Variants in CCDC192 observed in about 807,000 individuals in gnomAD.
CCDC192 encodes the protein coiled-coil domain containing 192.
chr5:127,815,435 T>A (rs771469115), intron 5 of CCDC192, among the ~76,000 whole-genome samples: 4 of 151,972 alleles, frequency 2.6e-5, no homozygotes, highest in African/African-American at 9.7e-5. Context: ...TTGGGGATGA[T>A]AGGGGGTGGG....
rs973311718 is a variant in CCDC192, at chr5:127,751,756, C to G, written c.115-2512C>G. ...CCCCATCACTTTCAGGTACACCAAT[C>G]AGACGTAGATTTGGTCTTTTCACAT... is the stretch of plus-strand genomic sequence containing the variant. On this transcript the variant is annotated intron_variant, in intron 2 of 6. Transcript: ENST00000514853. Among the ~76,000 whole-genome samples, 64 of 152,192 alleles carry G rather than the reference C, an allele frequency of 4.2e-4. 1 individual carries two copies. Among genetic ancestry groups the G allele is most frequent in the Admixed American group, 1.5e-3 (23 of 15,282 alleles).
rs150332725 is a variant in CCDC192 at position 127,780,172 on chromosome 5, C to CAT, written c.223-16918_223-16917dup. Among the ~76,000 whole-genome samples, 1,494 of 150,890 alleles carry CAT rather than the reference C, an allele frequency of 9.9e-3. 26 individuals carry two copies. Among genetic ancestry groups the CAT allele is most frequent in the African/African-American group, 0.03 (1,229 of 41,242 alleles). ...ACACATATATACGTATACGCACACA[C>CAT]ATATATATATATATCACAGTTTCTT... On this transcript the variant is annotated intron_variant, in intron 3 of 6. Transcript: ENST00000514853.
At chr5:127,766,115 C>G (rs369541378) in intron 3 of CCDC192, among the ~76,000 whole-genome samples, 1 of 152,114 alleles carries the variant, frequency 6.6e-6, no homozygotes, top group Non-Finnish European at 1.5e-5. Flanking sequence ...TTATAGCACA[C>G]CCAGGCAGAT....
At chr5:127,847,467 A>G (rs2127076977) in intron 5 of CCDC192, among the ~76,000 whole-genome samples, 1 of 152,308 alleles carries the variant, frequency 6.6e-6, no homozygotes, top group East Asian at 1.9e-4. Context: ...TAATGTTTAA[A>G]CCCAGTATGT....
intron 3 of CCDC192, among the ~76,000 whole-genome samples, chr5:127,780,794 G>C (rs910027365): frequency 1.3e-5 from 2 of 152,162 alleles, no homozygotes; most frequent in African/African-American, 4.8e-5. Context: ...TTTGCTGACT[G>C]TTCCTTTTGC....
chr5:127,733,350 T>C (rs576918245), intron 2 of CCDC192, among the ~76,000 whole-genome samples: 5 of 152,284 alleles, frequency 3.3e-5, no homozygotes, highest in African/African-American at 1.2e-4. Context: ...GCCGTTATAC[T>C]AAGTAAAGTT....
intron 3 of CCDC192, among the ~76,000 whole-genome samples, chr5:127,783,495 G>A (rs1369135074): frequency 1.3e-5 from 2 of 152,138 alleles, no homozygotes; most frequent in Non-Finnish European, 2.9e-5. Flanking sequence ...TGCTTAATAT[G>A]ATTTCAATTT....
intron 6 of CCDC192, among the ~76,000 whole-genome samples, chr5:127,914,765 A>C (rs1223891556): frequency 6.6e-6 from 1 of 152,190 alleles, no homozygotes; most frequent in African/African-American, 2.4e-5. Flanking sequence ...CTTAACATGA[A>C]TTAACTCACT....
intron 5 of CCDC192, among the ~76,000 whole-genome samples, chr5:127,870,676 A>G (rs1751814286): frequency 6.6e-6 from 1 of 152,214 alleles, no homozygotes; most frequent in African/African-American, 2.4e-5. Flanking sequence ...GGTGCAACAC[A>G]GGGTTAAAAA....
At chr5:127,920,830 G>A (rs1224656718) in intron 6 of CCDC192, among the ~76,000 whole-genome samples, 1 of 152,024 alleles carries the variant, frequency 6.6e-6, no homozygotes, top group African/African-American at 2.4e-5. Context: ...GGAGGCTGAG[G>A]TGGGAGGATC....
intron 6 of CCDC192, among the ~76,000 whole-genome samples, chr5:127,899,072 T>C (rs1262130501): frequency 1.3e-5 from 2 of 152,208 alleles, no homozygotes; most frequent in African/African-American, 4.8e-5. Context: ...CAGACACATT[T>C]TGAAATTTAG....
In CCDC192 at chr5:127,884,694, A is replaced by C. The variant is rs896966515; in HGVS notation, c.535+9033A>C. 1.1e-4 allele frequency among the ~76,000 whole-genome samples: 17 copies of C among 152,282 alleles called. 1 individual carries two copies. The highest frequency in any genetic ancestry group is 9.8e-4 in the Admixed American group (15 of 15,296). ...GCTAGGGAGTGTTATCAGATAAAAGAAGATGGGGAAGCTTTCTGGATAGAA... is the reference window on the plus strand; with the variant it reads ...GCTAGGGAGTGTTATCAGATAAAAGCAGATGGGGAAGCTTTCTGGATAGAA... On this transcript the variant is annotated intron_variant, in intron 6 of 6. Transcript: ENST00000514853.
intron 2 of CCDC192, among the ~76,000 whole-genome samples, chr5:127,724,283 C>G (rs1285071752): frequency 1.3e-5 from 2 of 152,114 alleles, no homozygotes; most frequent in Admixed American, 6.5e-5. Context: ...CTAGAACAAC[C>G]TGCTTTCTCT....
chr5:127,850,582 T>C (rs1278627135), intron 5 of CCDC192, among the ~76,000 whole-genome samples: 1 of 152,210 alleles, frequency 6.6e-6, no homozygotes, highest in Non-Finnish European at 1.5e-5. Flanking sequence ...ATCAGTCAGA[T>C]GTACATTCCC....
At chr5:127,730,783 T>C (rs1279129262) in intron 2 of CCDC192, among the ~76,000 whole-genome samples, 2 of 152,144 alleles carry the variant, frequency 1.3e-5, no homozygotes, top group South Asian at 2.1e-4. Context: ...ATTACCTCAA[T>C]AGAAGCAGAA....
At chr5:127,785,393 A>G (rs547026993) in intron 3 of CCDC192, 125 of 413,584 alleles carry the variant, frequency 3.0e-4, no homozygotes, top group Non-Finnish European at 5.7e-4. Context: ...GCTCATTCAG[A>G]TCTTTGCTCA....
chr5:127,803,956 G>A (rs929930026), intron 5 of CCDC192, among the ~76,000 whole-genome samples: 6 of 152,206 alleles, frequency 3.9e-5, no homozygotes, highest in African/African-American at 1.2e-4. Flanking sequence ...GGACAGATGA[G>A]TGAATTTTGG....
intron 5 of CCDC192, among the ~76,000 whole-genome samples, chr5:127,825,018 G>T (rs115759916): frequency 6.6e-6 from 1 of 152,158 alleles, no homozygotes; most frequent in Non-Finnish European, 1.5e-5. Flanking sequence ...AAACTGGAAT[G>T]CCACAATAGC....
intron 6 of CCDC192, among the ~76,000 whole-genome samples, chr5:127,879,114 A>G (rs1220183409): frequency 6.6e-6 from 1 of 152,058 alleles, no homozygotes; most frequent in Non-Finnish European, 1.5e-5. Flanking sequence ...GGGCTGAGAC[A>G]ATGGGGTTTT....
Sources: gnomAD v4.1 joint callset for allele counts (sites outside exome capture counted in the v4.1 genomes callset) on GRCh38, gnomAD v4.1.1 for gene constraint, MANE v1.5 for transcripts, NCBI Gene and HGNC (gene_info 2026-07-23, HGNC 2026-07-21) for gene names.